The following KCNIP4 variants were observed in gnomAD, a reference collection of about 807,000 sequenced individuals.
KCNIP4 encodes the protein potassium voltage-gated channel interacting protein 4.
A neutral mutation model predicts 34.0 loss-of-function variants in KCNIP4; 12 were observed. That is an observed-to-expected ratio of 0.35 (90% confidence interval 0.23 to 0.57). The LOEUF is 0.57. Ranked by LOEUF, KCNIP4 falls within the 20% of genes least tolerant of loss-of-function variation. The pLI, the probability that KCNIP4 is intolerant of heterozygous loss-of-function variation, is 0.83. For missense variants in KCNIP4, 238 were observed against 311.7 expected (o/e 0.76, Z 1.78); for synonymous variants, 124 against 102.2 (o/e 1.21, Z -1.29).
chr4:21,070,024 A>G (rs1206552130), intron 1 of KCNIP4, among the ~76,000 whole-genome samples: 1 of 152,188 alleles, frequency 6.6e-6, no homozygotes, highest in Non-Finnish European at 1.5e-5. Context: ...CTGGGCAATC[A>G]CTAACCTCGG....
At chr4:21,854,158 C>T (rs895202102) in intron 1 of KCNIP4, among the ~76,000 whole-genome samples, 1 of 152,116 alleles carries the variant, frequency 6.6e-6, no homozygotes, top group Non-Finnish European at 1.5e-5. Flanking sequence ...AGTAATCAGG[C>T]ATATACGCAC....
At chr4:21,710,787 C>CA (rs572414321) in intron 1 of KCNIP4, among the ~76,000 whole-genome samples, 127 of 151,838 alleles carry the variant, frequency 8.4e-4, no homozygotes, top group Non-Finnish European at 1.5e-3. Flanking sequence ...TGTTCCAATT[C>CA]AAAAAAAATC....
chr4:20,913,354 C>T (rs1728507007), intron 1 of KCNIP4, among the ~76,000 whole-genome samples: 1 of 152,074 alleles, frequency 6.6e-6, no homozygotes, highest in South Asian at 2.1e-4. Context: ...AGATAGAAAG[C>T]TGATGAATGT....
chr4:21,270,392 G>A (rs534670361), intron 1 of KCNIP4, among the ~76,000 whole-genome samples: 212 of 140,560 alleles, frequency 1.5e-3, no homozygotes, highest in Non-Finnish European at 2.9e-3. Flanking sequence ...GACTCGAGGA[G>A]TGCTGCTGAG....
intron 1 of KCNIP4, among the ~76,000 whole-genome samples, chr4:21,238,671 G>A (rs1367855941): frequency 1.3e-5 from 2 of 152,166 alleles, no homozygotes; most frequent in East Asian, 1.9e-4. Flanking sequence ...CAACTTACAA[G>A]GGATGTGAAG....
intron 5 of KCNIP4, among the ~76,000 whole-genome samples, chr4:20,746,668 G>A (rs1752491120): frequency 6.6e-6 from 1 of 152,076 alleles, no homozygotes; most frequent in Non-Finnish European, 1.5e-5. Flanking sequence ...AGCTTTGATT[G>A]CTGATGTTTT....
intron 1 of KCNIP4, among the ~76,000 whole-genome samples, chr4:21,481,899 A>C (rs1359115501): frequency 6.6e-6 from 1 of 152,224 alleles, no homozygotes; most frequent in African/African-American, 2.4e-5. Flanking sequence ...TAAAAGTCAC[A>C]CATTTATGAA....
intron 1 of KCNIP4, among the ~76,000 whole-genome samples, chr4:21,255,212 C>A (rs1317699094): frequency 6.6e-6 from 1 of 152,136 alleles, no homozygotes; most frequent in African/African-American, 2.4e-5. Context: ...TCCTCCCAAG[C>A]TCATGCCCCC....
chr4:20,976,579 C>T (rs1735511425), intron 1 of KCNIP4, among the ~76,000 whole-genome samples: 1 of 152,152 alleles, frequency 6.6e-6, no homozygotes, highest in Non-Finnish European at 1.5e-5. Flanking sequence ...TCAAATCTGT[C>T]TGCTTTATAG....
intron 1 of KCNIP4, among the ~76,000 whole-genome samples, chr4:20,962,625 C>T (rs1180531550): frequency 6.6e-6 from 1 of 152,188 alleles, no homozygotes; most frequent in African/African-American, 2.4e-5. Flanking sequence ...TTGTCTATCC[C>T]ATTTACTTCA....
intron 1 of KCNIP4, among the ~76,000 whole-genome samples, chr4:21,188,197 T>C (rs1463008764): frequency 1.3e-5 from 2 of 152,226 alleles, no homozygotes; most frequent in African/African-American, 4.8e-5. Flanking sequence ...CAAAGAGTTT[T>C]GTTTTAATTG....
At chr4:21,944,389 C>G (rs1259119517) in intron 1 of KCNIP4, among the ~76,000 whole-genome samples, 1 of 150,476 alleles carries the variant, frequency 6.6e-6, no homozygotes. Flanking sequence ...ACTAAAAATA[C>G]AAAAAGAAAA....
intron 1 of KCNIP4, among the ~76,000 whole-genome samples, chr4:21,374,947 G>C (rs1720831711): frequency 1.4e-5 from 2 of 147,436 alleles, no homozygotes; most frequent in South Asian, 4.2e-4. Context: ...AATGACAGAA[G>C]AAATACAGCT....
At chr4:21,219,696 T>C (rs1757850692) in intron 1 of KCNIP4, among the ~76,000 whole-genome samples, 1 of 151,998 alleles carries the variant, frequency 6.6e-6, no homozygotes, top group Non-Finnish European at 1.5e-5. Context: ...CACCACAACA[T>C]TGAAAAAACA....
intron 5 of KCNIP4, among the ~76,000 whole-genome samples, chr4:20,744,739 C>T (rs1752036062): frequency 6.6e-6 from 1 of 152,070 alleles, no homozygotes; most frequent in African/African-American, 2.4e-5. Context: ...GCACATTTTG[C>T]ACATGTACCC....
chr4:21,673,942 T>C (rs999690898), intron 1 of KCNIP4, among the ~76,000 whole-genome samples: 1 of 152,204 alleles, frequency 6.6e-6, no homozygotes. Flanking sequence ...TATATGTGAT[T>C]TAAAAAATCC....
chr4:20,779,362 T>C (rs779499186), intron 3 of KCNIP4, among the ~76,000 whole-genome samples: 33 of 152,228 alleles, frequency 2.2e-4, no homozygotes, highest in Non-Finnish European at 3.4e-4. Flanking sequence ...AAGCTGAGTG[T>C]AAAAATTGCT....
intron 1 of KCNIP4, among the ~76,000 whole-genome samples, chr4:21,727,126 T>C (rs1577908694): frequency 6.6e-6 from 1 of 152,170 alleles, no homozygotes; most frequent in South Asian, 2.1e-4. Context: ...TCCTCCAAAA[T>C]TCATGTTAGG....
intron 1 of KCNIP4, among the ~76,000 whole-genome samples, chr4:20,905,237 T>C (rs1304821080): frequency 6.6e-6 from 1 of 152,196 alleles, no homozygotes; most frequent in African/African-American, 2.4e-5. Context: ...CTTGTATCGA[T>C]GAGCACCTTC....
Sources: allele counts gnomAD v4.1 joint callset (sites outside exome capture counted in the v4.1 genomes callset), GRCh38; gene constraint gnomAD v4.1.1; transcripts MANE v1.5; gene names NCBI Gene and HGNC (gene_info 2026-07-23, HGNC 2026-07-21).